PRKAR1B: variants seen among roughly 807,000 people sequenced by gnomAD.
PRKAR1B encodes the protein cAMP-dependent protein kinase type I-beta regulatory subunit.
PRKAR1B carries 22 observed loss-of-function variants against 46.5 expected under a neutral mutation model. That is an observed-to-expected ratio of 0.47 (90% CI 0.34 to 0.68). PRKAR1B has a LOEUF of 0.68. Ranked by LOEUF, PRKAR1B falls within the 30% of genes least tolerant of loss-of-function variation. The probability of loss-of-function intolerance (pLI) is 0.01; values close to 1 mark genes in which losing one functional copy is unlikely to be tolerated. For synonymous variants in PRKAR1B, 259 were observed against 217.7 expected, an observed-to-expected ratio of 1.19 and a Z score of -1.67; for missense variants, 445 against 535.6, an observed-to-expected ratio of 0.83 and a Z score of 1.67.
At chr7:704,515 C>A (rs1213784922) in intron 2 of PRKAR1B, among the ~76,000 whole-genome samples, 1 of 152,216 alleles carries the variant, frequency 6.6e-6, no homozygotes, top group Non-Finnish European at 1.5e-5. Flanking sequence ...GTGGCTCACG[C>A]CTGTAATCCC....
intron 4 of PRKAR1B, among the ~76,000 whole-genome samples, chr7:658,393 C>T (rs1420333927): frequency 6.6e-6 from 1 of 152,100 alleles, no homozygotes. Context: ...TATGACTGCA[C>T]CACTGTGCTC....
intron 4 of PRKAR1B, among the ~76,000 whole-genome samples, chr7:659,801 G>A (rs548617270): frequency 6.6e-6 from 1 of 152,260 alleles, no homozygotes; most frequent in East Asian, 1.9e-4. Flanking sequence ...CCACCTCCCG[G>A]GCTTAAGCGA....
chr7:677,166 G>T, intron 4 of PRKAR1B, 63 bp downstream of exon 4: 2 of 1,525,996 alleles, frequency 1.3e-6, no homozygotes, highest in Non-Finnish European at 1.8e-6. Flanking sequence ...GGCGGGACCT[G>T]CCCACCTCCC....
chr7:565,756 T>C (rs1479443324), intron 9 of PRKAR1B: 1 of 152,136 alleles, frequency 6.6e-6, no homozygotes, highest in Non-Finnish European at 1.5e-5. Flanking sequence ...TTGACTGGGG[T>C]AGCTCAGGCT....
At chr7:585,682 C>A (rs548924358) in intron 7 of PRKAR1B, among the ~76,000 whole-genome samples, 49 of 152,188 alleles carry the variant, frequency 3.2e-4, no homozygotes, top group African/African-American at 1.1e-3. Context: ...TGACCCACAT[C>A]GACCTCGCAA....
In PRKAR1B at chr7:550,300, A is replaced by G. The variant is rs1583182230; in HGVS notation, c.*130T>C. Reference sequence around the variant, plus strand: ...CAAAAAGTGAGTCCGGGGAAGGGGCAGTCCTCACGCTGCCGGGACCCAGCC... The same window carrying G: ...CAAAAAGTGAGTCCGGGGAAGGGGCGGTCCTCACGCTGCCGGGACCCAGCC... On this transcript the variant is annotated 3_prime_UTR_variant, in exon 11 of 11. Transcript: ENST00000537384. 1 of 707,014 alleles carries G rather than the reference A, an allele frequency of 1.4e-6. No homozygotes were observed. 43.8% of individuals were successfully genotyped at this position (707,014 alleles called of 1,614,324 possible). A position where few individuals can be genotyped will look rare whatever the true frequency, so the allele number is the denominator to read the frequency against.
intron 1 of PRKAR1B, among the ~76,000 whole-genome samples, chr7:719,770 G>T (rs1562364882): frequency 6.6e-6 from 1 of 152,072 alleles, no homozygotes; most frequent in African/African-American, 2.4e-5. Context: ...CCCTCCTAGT[G>T]ACCCTTAATA....
intron 8 of PRKAR1B, among the ~76,000 whole-genome samples, chr7:580,456 C>G (rs139138737): frequency 1.3e-5 from 2 of 152,048 alleles, no homozygotes; most frequent in South Asian, 4.2e-4. Flanking sequence ...AACTGCCCAT[C>G]GAAAAGAAAC....
intron 4 of PRKAR1B, among the ~76,000 whole-genome samples, chr7:650,173 T>C (rs1398044540): frequency 4.6e-5 from 7 of 152,142 alleles, no homozygotes; most frequent in African/African-American, 1.7e-4. Context: ...GTGACTGCAA[T>C]CTGTGCAGGC....
At chr7:661,111 C>G (rs1365066639) in intron 4 of PRKAR1B, among the ~76,000 whole-genome samples, 4 of 27,802 alleles carry the variant, frequency 1.4e-4, no homozygotes, top group African/African-American at 6.2e-4. Flanking sequence ...ACTCTCCCCC[C>G]CATGGGACAG....
At chr7:626,335 T>C (rs1053993903) in intron 4 of PRKAR1B, among the ~76,000 whole-genome samples, 1 of 151,934 alleles carries the variant, frequency 6.6e-6, no homozygotes, top group Non-Finnish European at 1.5e-5. Flanking sequence ...CTACTAAAAA[T>C]TTTAAAAAAA....
Position 586,916 on chromosome 7 carries a change from C to T in PRKAR1B, c.709-2348G>A, listed in dbSNP as rs535147389. ...TTTTTTTTTTTTTGAGACAGTCTCA[C>T]TCTGTTGCCCAGGCTGGAGTGTAGT... On this transcript the variant is annotated intron_variant, in intron 7 of 10. Transcript: ENST00000537384. Among the ~76,000 whole-genome samples the T allele has an allele frequency of 1.0e-3, 151 of 145,402 alleles. 1 individual carries two copies. Among genetic ancestry groups the T allele is most frequent in the African/African-American group, 3.7e-3 (145 of 39,376 alleles).
chr7:576,120 C>T (rs567245051), intron 9 of PRKAR1B, among the ~76,000 whole-genome samples: 1 of 150,884 alleles, frequency 6.6e-6, no homozygotes, highest in African/African-American at 2.4e-5. Context: ...CTCCTCTGCA[C>T]ACGGGCGGGC....
intron 10 of PRKAR1B, among the ~76,000 whole-genome samples, chr7:551,035 G>A (rs113053335): frequency 6.6e-6 from 1 of 151,592 alleles, no homozygotes; most frequent in African/African-American, 2.4e-5. Flanking sequence ...GTGCACCCAG[G>A]TAGGCCTGGG....
intron 7 of PRKAR1B, among the ~76,000 whole-genome samples, chr7:590,677 C>A (rs545286637): frequency 6.6e-6 from 1 of 152,326 alleles, no homozygotes; most frequent in East Asian, 1.9e-4. Flanking sequence ...ATTTTAGAGT[C>A]CAGGGGGTGT....
At chr7:648,398 G>A (rs879320108) in intron 4 of PRKAR1B, among the ~76,000 whole-genome samples, 4 of 151,980 alleles carry the variant, frequency 2.6e-5, no homozygotes, top group African/African-American at 7.3e-5. Context: ...GATCACCTGA[G>A]GTCAGGAGTT....
At chr7:584,677 C>T in intron 7 of PRKAR1B, 109 bp from the exon 8 acceptor site, 1 of 902,012 alleles carries the variant, frequency 1.1e-6, no homozygotes, top group South Asian at 1.5e-5. Context: ...ATGAGACCCT[C>T]CAAGCATTCC....
chr7:727,223 T>C lies in PRKAR1B; in HGVS notation c.-36A>G. The C allele has an allele frequency of 7.4e-7, 1 of 1,347,248 alleles. No homozygotes were observed. 83.5% of individuals were successfully genotyped at this position (1,347,248 alleles called of 1,614,324 possible). ...CTCGCGCCCCACCTGGACGACGCTC[T>C]GCGCGCGCTGCGCTGCTCCCTGCTC... On this transcript the variant is annotated 5_prime_UTR_variant, in exon 1 of 11. Coordinates refer to ENST00000537384, the MANE Select transcript of PRKAR1B (RefSeq NM_001164760.2).
chr7:616,008 A>AAGAG (rs112413656), intron 4 of PRKAR1B, among the ~76,000 whole-genome samples: 14,728 of 148,720 alleles, frequency 0.099, 1,541 homozygotes, highest in African/African-American at 0.26. Flanking sequence ...AAAAGGAAGA[A>AAGAG]AGAGAGAGAG....
Sources: allele counts gnomAD v4.1 joint callset (sites outside exome capture counted in the v4.1 genomes callset), GRCh38; gene constraint gnomAD v4.1.1; transcripts MANE v1.5; gene names NCBI Gene and HGNC (gene_info 2026-07-23, HGNC 2026-07-21).